Variants in EML3 observed in about 807,000 individuals in gnomAD.
The protein encoded by EML3 is EMAP like 3.
In EML3, 53 loss-of-function variants were observed where a neutral mutation model predicts 106.7. The ratio of observed to expected loss-of-function variants is 0.50; its 90% CI spans 0.40 to 0.62. EML3 has a LOEUF of 0.62. Ranked by LOEUF, EML3 falls within the 20% of genes least tolerant of loss-of-function variation. The probability of loss-of-function intolerance (pLI) is 0.00; values close to 1 mark genes in which losing one functional copy is unlikely to be tolerated. For synonymous variants in EML3, 499 were observed against 489.6 expected, an observed-to-expected ratio of 1.02 and a Z score of -0.25; for missense variants, 994 against 1,209.1, an observed-to-expected ratio of 0.82 and a Z score of 2.64.
chr11:62,612,492 A>C lies in EML3; in HGVS notation c.-35T>G, dbSNP rs944860298. 2.4e-5 allele frequency: 34 copies of C among 1,398,164 alleles called. No homozygotes were observed. Among genetic ancestry groups the C allele is most frequent in the Admixed American group, 2.3e-4 (7 of 30,104 alleles). The allele number at this position is 1,398,164 out of a possible 1,614,324, so 86.6% of individuals were successfully genotyped here. ...GGGTTGCTCCGAGCGGCGGCGGCGG[A>C]GGAGGCGTCTAAGCCGCGGGGGCCA... On this transcript the variant is annotated 5_prime_UTR_variant, in exon 1 of 22. Transcript: ENST00000394773.
intron 12 of EML3, chr11:62,606,532 C>T: frequency 5.0e-6 from 2 of 397,200 alleles, no homozygotes; most frequent in Admixed American, 8.1e-5. Context: ...AGACTAGCCC[C>T]CAAGAGAACT....
In EML3 at chr11:62,602,340, G is replaced by A; in HGVS notation, c.*135C>T. The A allele has an allele frequency of 6.4e-7, 1 of 1,551,124 alleles. No individual in the cohort carries two copies. Among genetic ancestry groups the A allele is most frequent in the African/African-American group, 1.4e-5 (1 of 73,182 alleles). The stretch of plus-strand genomic sequence containing the variant: ...GCAGGGGCGCCGTTCGCGCCCTCCA[G>A]GAAAATGCGCGATCGGGAATGTCTC... On this transcript the variant is annotated 3_prime_UTR_variant, in exon 22 of 22. Transcript: ENST00000394773.
At chr11:62,611,050 C>A in intron 3 of EML3, 37 bp downstream of exon 3, 1 of 1,604,456 alleles carries the variant, frequency 6.2e-7, no homozygotes, top group East Asian at 2.2e-5. Flanking sequence ...TCCTACCACC[C>A]CTCCCAGCTT....
Position 62,609,051 on chromosome 11 carries a change from C to T in EML3, c.840G>A (p.Val280=), listed in dbSNP as rs367696586. ...SGEVVYFIAC[V]VVLYRPGGGP... is the part of the protein sequence containing the mutation. ...CTCCTCCAGGCCGGTACAGCACCACCACACAGGCGATAAAGTAGACCACCT... is the reference window on the plus strand; with the variant it reads ...CTCCTCCAGGCCGGTACAGCACCACTACACAGGCGATAAAGTAGACCACCT... Residue 280 remains valine (V), a synonymous_variant, in exon 7 of 22, where the codon GTG becomes GTA. Transcript: ENST00000394773. 3 of 1,613,946 alleles carry T rather than the reference C, an allele frequency of 1.9e-6. No individual in the cohort carries two copies. Among genetic ancestry groups the T allele is most frequent in the Non-Finnish European group, 2.5e-6 (3 of 1,180,048 alleles).
Position 62,602,506 on chromosome 11 carries a change from G to T in EML3, c.2660C>A (p.Ser887Tyr). The T allele has an allele frequency of 6.6e-7, 1 of 1,519,078 alleles. No homozygotes were observed. Among genetic ancestry groups the T allele is most frequent in the South Asian group, 1.2e-5 (1 of 80,162 alleles). The allele number at this position is 1,519,078 out of a possible 1,614,324, so 94.1% of individuals were successfully genotyped here. Residue 887 changes from serine to tyrosine, a missense_variant, in exon 22 of 22, where the codon TCC becomes TAC. Ser to Tyr is a moderately radical substitution (Grantham distance 144). Transcript: ENST00000394773. Reference sequence around the variant, plus strand: ...GTCGAGGGAGGAGGCGGGGGACAGGGAGGGGGTTCGAGAGGGCGTGGCGGG... The same window carrying T: ...GTCGAGGGAGGAGGCGGGGGACAGGTAGGGGGTTCGAGAGGGCGTGGCGGG... Reference protein sequence around the residue: ...PAPATPSRTPSLSPASSLDV With the variant: ...PAPATPSRTPYLSPASSLDV
intron 4 of EML3, 67 bp downstream of exon 4, chr11:62,610,812 G>A: frequency 7.3e-7 from 1 of 1,376,742 alleles, no homozygotes; most frequent in East Asian, 2.3e-5. Context: ...GGGATGTGAG[G>A]TGAGGGATAT....
At chr11:62,603,919 C>G in intron 18 of EML3, 25 bp downstream of exon 18, 1 of 1,613,658 alleles carries the variant, frequency 6.2e-7, no homozygotes, top group Non-Finnish European at 8.5e-7. Context: ...TTATCATGCC[C>G]CACCACACAC....
chr11:62,608,344 C>T, intron 9 of EML3, 48 bp from the exon 10 acceptor site: 4 of 1,569,802 alleles, frequency 2.5e-6, no homozygotes, highest in Non-Finnish European at 3.5e-6. Flanking sequence ...CCTGGAGGTC[C>T]AGGGGTTCAT....
Position 62,602,782 on chromosome 11 carries a change from G to A in EML3, c.2464C>T (p.Gln822Ter). Residue 822 changes from glutamine to a stop codon, truncating the protein, a stop_gained, in exon 21 of 22, where the codon CAG (glutamine) becomes TAG (stop). Coordinates refer to ENST00000394773, the MANE Select transcript of EML3 (RefSeq NM_153265.3). LOFTEE classifies it high-confidence loss of function. ...ACCTTGGCACGAGCGCACGGGTACTGGAAGAGATGCACTTTGCAGAAGTCG... is the reference window on the plus strand; with the variant it reads ...ACCTTGGCACGAGCGCACGGGTACTAGAAGAGATGCACTTTGCAGAAGTCG... ...ADDFCKVHLFQYPCARAKAPS... is the reference protein window; with the variant it reads ...ADDFCKVHLF 6.2e-7 allele frequency: 1 copy of A among 1,611,676 alleles called. No individual in the cohort carries two copies. Among genetic ancestry groups the A allele is most frequent in the Non-Finnish European group, 8.5e-7 (1 of 1,179,468 alleles).
In EML3 at chr11:62,605,262, A is replaced by G; in HGVS notation, c.1915-82T>C. On this transcript the variant is annotated intron_variant, in intron 15 of 21. Coordinates refer to ENST00000394773, the MANE Select transcript of EML3 (RefSeq NM_153265.3). The surrounding 1 kb of genome is among the most constrained non-coding windows in gnomAD (Gnocchi z 5.2). ...GTGAACCCCTTGTCCTCCTAACTTC[A>G]AAGCCACTTACTCCCAAGGAGAAGA... The G allele has an allele frequency of 7.1e-7, 1 of 1,404,498 alleles. No homozygotes were observed. Among genetic ancestry groups the G allele is most frequent in the Non-Finnish European group, 9.8e-7 (1 of 1,020,626 alleles). 87.0% of individuals were successfully genotyped at this position (1,404,498 alleles called of 1,614,324 possible).
chr11:62,606,978 G>A lies in EML3; in HGVS notation c.1484C>T (p.Pro495Leu), dbSNP rs1942554832. Residue 495 changes from proline to leucine, a missense_variant, in exon 12 of 22, where the codon CCA (proline) becomes CTA (leucine). Pro to Leu is a moderately conservative substitution (Grantham distance 98, BLOSUM62 -3). Coordinates refer to ENST00000394773, the MANE Select transcript of EML3 (RefSeq NM_153265.3). ...WGRSPSDSKT[P>L]GRGGAKETYG... The stretch of plus-strand genomic sequence containing the variant: ...CATACCTTTGGCGCCACCCCTGCCT[G>A]GGGTCTTGGAATCTGAAGGGCTCCG... 6.2e-7 allele frequency: 1 copy of A among 1,613,844 alleles called. No homozygotes were observed. The highest frequency in any genetic ancestry group is 1.3e-5 in the African/African-American group (1 of 74,916).
intron 11 of EML3, 135 bp from the exon 12 acceptor site, chr11:62,607,234 G>GATCCACCC: frequency 9.2e-7 from 1 of 1,091,376 alleles, no homozygotes. Flanking sequence ...GGTCACCTGA[G>GATCCACCC]GCCAGGAGTT....
rs867059587 is a variant in EML3 at position 62,611,199 on chromosome 11, C to T, written c.340G>A (p.Glu114Lys). Residue 114 changes from glutamate (E) to lysine (K), a missense_variant, in exon 3 of 22, where the codon GAA (glutamate) becomes AAA (lysine). By Grantham distance (56) the Glu-to-Lys change is moderately conservative. Around this residue, in one of 3 missense-constraint regions of EML3, gnomAD observed 269 missense variants for 265.1 expected, o/e 1.01. Coordinates refer to ENST00000394773, the MANE Select transcript of EML3 (RefSeq NM_153265.3). The part of the protein sequence containing the change: ...NGPPAPQGAS[E>K]EPSGTQSEGG... ...TCAGATTGGGTCCCGCTAGGCTCTT[C>T]GCTGGCCCCCTGAGGGGCTGGGGGT... The T allele has an allele frequency of 6.2e-7, 1 of 1,609,862 alleles. No individual in the cohort carries two copies. The highest frequency in any genetic ancestry group is 1.7e-5 in the Admixed American group (1 of 59,970).
rs751016499 is a variant in EML3 at position 62,609,114 on chromosome 11, A to G, written c.777T>C (p.Arg259=). The change falls in exon 7 of 22, where the codon CGT becomes CGC. Residue 259 remains arginine (R), a synonymous_variant. Transcript: ENST00000394773. ...SLDWVYGYRG[R]DSRSNLFVLR... is the part of the protein sequence containing the mutation. The stretch of plus-strand genomic sequence containing the variant: ...ACACAAACAGATTAGAGCGGGAGTC[A>G]CGACCCCTGTACCCATAACTGGGGT... 2 of 1,614,044 alleles carry G rather than the reference A, an allele frequency of 1.2e-6. No individual in the cohort carries two copies. Among genetic ancestry groups the G allele is most frequent in the Admixed American group, 3.3e-5 (2 of 60,024 alleles).
At chr11:62,603,384 C>T in intron 19 of EML3, 137 bp from the exon 20 acceptor site, 1 of 800,688 alleles carries the variant, frequency 1.2e-6, no homozygotes, top group Non-Finnish European at 2.0e-6. Context: ...GCATCACCTC[C>T]TCCCCCTGTG....
In EML3 at chr11:62,608,666, A is replaced by G. The variant is rs1378147094; in HGVS notation, c.1000-14T>C. 1.2e-6 allele frequency: 2 copies of G among 1,614,120 alleles called. No homozygotes were observed. The highest frequency in any genetic ancestry group is 2.2e-5 in the East Asian group (1 of 44,878). ...AGGCTGCAGGGGCTGGTGGAGGAAG[A>G]GTCACAAGTGTGAAGCAAAATTGGA... On this transcript the variant is annotated splice_polypyrimidine_tract_variant and intron_variant, in intron 8 of 21. Transcript: ENST00000394773.
At chr11:62,611,951 C>T in intron 1 of EML3, 1 of 364,892 alleles carries the variant, frequency 2.7e-6, no homozygotes, top group East Asian at 5.4e-5. Flanking sequence ...CCTCCCCACG[C>T]GCCCCCAGCA....
chr11:62,605,133 G>C lies in EML3; in HGVS notation c.1962C>G (p.Ala654=). ...CTCACCTCCCCGTGTTCAGTCCTAC[G>C]GCCACAACTGCCCCACTCGGGTGGA... The part of the protein sequence containing the change: ...ADFHPSGAVV[A]VGLNTGRWLV... The change falls in exon 16 of 22, where the codon GCC becomes GCG. Residue 654 remains alanine (A), a synonymous_variant. Transcript: ENST00000394773. This position sits in a 1 kb window ranked among gnomAD's most constrained non-coding sequence, Gnocchi z 5.2. 1 of 1,612,866 alleles carries C rather than the reference G, an allele frequency of 6.2e-7. No individual in the cohort carries two copies. The highest frequency in any genetic ancestry group is 1.1e-5 in the South Asian group (1 of 90,972).
At chr11:62,606,490 T>C in intron 12 of EML3, 1 of 525,366 alleles carries the variant, frequency 1.9e-6, no homozygotes, top group Non-Finnish European at 3.4e-6. Context: ...GCTCCAGCCG[T>C]TTCTCCTTTG....
Sources: gnomAD v4.1 joint callset for allele counts on GRCh38, gnomAD v4.1.1 for gene constraint, gnomAD v4.1.1 regional missense constraint, Gnocchi (gnomAD v3.1) non-coding constraint, MANE v1.5 for transcripts, NCBI Gene and HGNC (gene_info 2026-07-23, HGNC 2026-07-21) for gene names.